Variants in KDM5A observed in about 807,000 individuals in gnomAD.
KDM5A encodes the protein lysine-specific demethylase 5A.
A neutral mutation model predicts 193.5 loss-of-function variants in KDM5A; 42 were observed. That is an observed-to-expected ratio of 0.22 (90% CI 0.17 to 0.28). KDM5A has a LOEUF of 0.28. Among genes scored for constraint, KDM5A ranks in the 10% least tolerant of loss-of-function variants. The pLI is 1.00. For synonymous variants in KDM5A, 796 were observed against 718.1 expected (o/e 1.11, Z -1.73); for missense variants, 1,692 against 2,055.1 (o/e 0.82, Z 3.42).
In KDM5A at chr12:388,619, C is replaced by G. The variant is rs1031833794; in HGVS notation, c.165+308G>C. On this transcript the variant is annotated intron_variant, in intron 1 of 27. Coordinates refer to ENST00000399788, the MANE Select transcript of KDM5A (RefSeq NM_001042603.3). The stretch of plus-strand genomic sequence containing the variant: ...GAGGATACGTGAGGGAAGAATACGT[C>G]ACGTCATAATACTGTACTTTAAACA... 3 of 456,562 alleles carry G rather than the reference C, an allele frequency of 6.6e-6. No homozygotes were observed. In the Admixed American group the frequency reaches 1.0e-4, roughly 16 times the overall value. 28.3% of individuals were successfully genotyped at this position (456,562 alleles called of 1,614,324 possible).
chr12:331,356 G>A (rs964578545), intron 13 of KDM5A, among the ~76,000 whole-genome samples: 2 of 152,172 alleles, frequency 1.3e-5, no homozygotes, highest in Non-Finnish European at 2.9e-5. Context: ...AATGGCAAAA[G>A]CCACTATTAC....
At chr12:388,871 G>C (rs1008889022) in intron 1 of KDM5A, 56 bp downstream of exon 1, 11 of 1,567,108 alleles carry the variant, frequency 7.0e-6, no homozygotes, top group Non-Finnish European at 8.8e-6. Context: ...GCTAAACCCA[G>C]TGTACGGACT....
rs1442427220 is a variant in KDM5A, at chr12:307,010, T to G, written c.4010A>C (p.Asp1337Ala). 6.2e-7 allele frequency: 1 copy of G among 1,614,060 alleles called. No homozygotes were observed. The highest frequency in any genetic ancestry group is 1.7e-5 in the Admixed American group (1 of 60,016). ...AGAGTCTGTTTCTTCATCATCATAG[T>G]CCATTGTTTGTCGAGGAGAAGATGA... The part of the protein sequence containing the change: ...SVSSSPRQTM[D>A]YDDEETDSDE... The change falls in exon 24 of 28, where the codon GAC (aspartate) becomes GCC (alanine). Residue 1337 changes from aspartate (D) to alanine (A), a missense_variant. Around this residue, in one of 11 missense-constraint regions of KDM5A, gnomAD observed 965 missense variants for 1,061.0 expected, o/e 0.91. Coordinates refer to ENST00000399788, the MANE Select transcript of KDM5A (RefSeq NM_001042603.3). The surrounding 1 kb of genome is among the most constrained non-coding windows in gnomAD (Gnocchi z 4.3).
chr12:362,536 T>C (rs1189743349), intron 5 of KDM5A, among the ~76,000 whole-genome samples: 1 of 152,130 alleles, frequency 6.6e-6, no homozygotes, highest in Non-Finnish European at 1.5e-5. Context: ...AAAAATAAAA[T>C]GCACTAGAAT....
chr12:288,112 A>G (rs1041505886), intron 27 of KDM5A, among the ~76,000 whole-genome samples: 1 of 152,180 alleles, frequency 6.6e-6, no homozygotes, highest in African/African-American at 2.4e-5. Flanking sequence ...CTTTTTTATC[A>G]TGTTCATCTA....
intron 5 of KDM5A, among the ~76,000 whole-genome samples, chr12:360,880 A>G (rs1944285884): frequency 6.6e-6 from 1 of 152,150 alleles, no homozygotes; most frequent in South Asian, 2.1e-4. Context: ...ATCACTAAAG[A>G]TGCCAGAAGG....
chr12:373,780 T>C (rs1944464751), intron 3 of KDM5A, among the ~76,000 whole-genome samples: 1 of 152,218 alleles, frequency 6.6e-6, no homozygotes, highest in Non-Finnish European at 1.5e-5. Context: ...GTATGTTGTG[T>C]TTTTGTTCTC....
At position 285,193 on chromosome 12, in the gene KDM5A, G is replaced by T; in HGVS notation, c.*263C>A. The T allele has an allele frequency of 1.8e-6, 1 of 543,132 alleles. No individual in the cohort carries two copies. The highest frequency in any genetic ancestry group is 3.3e-6 in the Non-Finnish European group (1 of 301,656). The allele number at this position is 543,132 out of a possible 1,614,324, so 33.6% of individuals were successfully genotyped here. On this transcript the variant is annotated 3_prime_UTR_variant, in exon 28 of 28. Transcript: ENST00000399788. The stretch of plus-strand genomic sequence containing the variant: ...CACCCTAGAGCTCAATTAAGCATCT[G>T]GCCTTAATGCAGTAAACCACACTCA...
intron 1 of KDM5A, among the ~76,000 whole-genome samples, chr12:387,484 GA>G (rs1353578061): frequency 3.9e-5 from 6 of 152,112 alleles, no homozygotes; most frequent in Non-Finnish European, 8.8e-5. Flanking sequence ...AGGTAATTAT[GA>G]TAGAAAAAAG....
chr12:312,454 T>A (rs1305282363), intron 20 of KDM5A, among the ~76,000 whole-genome samples: 3 of 152,102 alleles, frequency 2.0e-5, no homozygotes, highest in African/African-American at 7.2e-5. Context: ...TGGAAAAAAA[T>A]TTGAAGAATA....
intron 19 of KDM5A, 24 bp downstream of exon 19, chr12:318,082 C>T: frequency 6.4e-7 from 1 of 1,557,478 alleles, no homozygotes; most frequent in African/African-American, 1.4e-5. Flanking sequence ...GTTAAAGAGG[C>T]AACTGTCACC....
At chr12:350,427 CA>C (rs10616968) in intron 10 of KDM5A, among the ~76,000 whole-genome samples, 193 bp downstream of exon 10, 11,139 of 101,086 alleles carry the variant, frequency 0.11, 300 homozygotes, top group Middle Eastern at 0.17. Flanking sequence ...GATTCCTTCT[CA>C]AAAAAAAAAA....
intron 8 of KDM5A, 49 bp from the exon 9 acceptor site, chr12:352,373 A>G: frequency 1.3e-6 from 2 of 1,561,034 alleles, no homozygotes; most frequent in Non-Finnish European, 1.8e-6. Context: ...TAAACTGAAG[A>G]AAGCTTTAAG....
chr12:318,448 T>G lies in KDM5A; in HGVS notation c.2555A>C (p.Asp852Ala). ...AGCACGTTCATGAAACTCTTCCACATCATCTAGCAGATTCTGAAAAGGTCA... is the reference window on the plus strand; with the variant it reads ...AGCACGTTCATGAAACTCTTCCACAGCATCTAGCAGATTCTGAAAAGGTCA... ...QARQVKNLLD[D>A]VEEFHERAQE... Residue 852 changes from aspartate (D) to alanine (A), a missense_variant, in exon 19 of 28, where the codon GAT becomes GCT. Transcript: ENST00000399788. The G allele has an allele frequency of 6.2e-7, 1 of 1,612,314 alleles. No homozygotes were observed. The highest frequency in any genetic ancestry group is 8.5e-7 in the Non-Finnish European group (1 of 1,178,364).
chr12:378,976 A>C (rs905203442), intron 3 of KDM5A, among the ~76,000 whole-genome samples: 7 of 146,454 alleles, frequency 4.8e-5, no homozygotes, highest in Non-Finnish European at 7.6e-5. Flanking sequence ...AAAAAAAAAA[A>C]CTAATTATTC....
In KDM5A at chr12:333,573, G is replaced by A. The variant is rs1241337712; in HGVS notation, c.1567C>T (p.Pro523Ser). The change falls in exon 12 of 28, where the codon CCC (proline) becomes TCC (serine). Residue 523 changes from proline (P) to serine (S), a missense_variant. Pro to Ser is a moderately conservative substitution (Grantham distance 74, BLOSUM62 -1). Around this residue, in one of 11 missense-constraint regions of KDM5A, gnomAD observed 172 missense variants for 260.3 expected, o/e 0.66. Coordinates refer to ENST00000399788, the MANE Select transcript of KDM5A (RefSeq NM_001042603.3). ...TCAGGCTGGGATTCAAATAACTCGGGGGCCAGCTCTCTCATCACCTCCTCC... is the reference window on the plus strand; with the variant it reads ...TCAGGCTGGGATTCAAATAACTCGGAGGCCAGCTCTCTCATCACCTCCTCC... ...QLEEVMRELAPELFESQPDLL... is the reference protein window; with the variant it reads ...QLEEVMRELASELFESQPDLL... 6.2e-7 allele frequency: 1 copy of A among 1,614,064 alleles called. No individual in the cohort carries two copies. The highest frequency in any genetic ancestry group is 8.5e-7 in the Non-Finnish European group (1 of 1,179,994).
chr12:333,722 A>G, intron 11 of KDM5A, 73 bp from the exon 12 acceptor site: 1 of 1,346,240 alleles, frequency 7.4e-7, no homozygotes, highest in South Asian at 1.2e-5. Context: ...ATTCCAATCC[A>G]CCAAATTATA....
At chr12:376,627 G>T (rs1258021591) in intron 3 of KDM5A, among the ~76,000 whole-genome samples, 2 of 152,200 alleles carry the variant, frequency 1.3e-5, no homozygotes, top group African/African-American at 4.8e-5. Flanking sequence ...GATGAACCTG[G>T]TACCTCAGTT....
At position 313,102 on chromosome 12, in the gene KDM5A, G is replaced by A. The variant is rs201758225; in HGVS notation, c.2990C>T (p.Ala997Val). Residue 997 changes from alanine to valine, a missense_variant, in exon 20 of 28, where the codon GCC (alanine) becomes GTC (valine). Coordinates refer to ENST00000399788, the MANE Select transcript of KDM5A (RefSeq NM_001042603.3). ...GGTCCATTCTCGAGCCTTTTGTAAGGCTTCTTTCAAGGACAACACATTGGG... is the reference window on the plus strand; with the variant it reads ...GGTCCATTCTCGAGCCTTTTGTAAGACTTCTTTCAAGGACAACACATTGGG... Reference protein sequence around the residue: ...FLPNVLSLKEALQKAREWTAK... With the variant: ...FLPNVLSLKEVLQKAREWTAK... The A allele has an allele frequency of 6.2e-7, 1 of 1,613,948 alleles. No homozygotes were observed. Among genetic ancestry groups the A allele is most frequent in the Non-Finnish European group, 8.5e-7 (1 of 1,179,976 alleles).
Sources: allele counts gnomAD v4.1 joint callset (sites outside exome capture counted in the v4.1 genomes callset), GRCh38; gene constraint gnomAD v4.1.1; regional missense constraint gnomAD v4.1.1; non-coding constraint Gnocchi (gnomAD v3.1); transcripts MANE v1.5; gene names NCBI Gene and HGNC (gene_info 2026-07-23, HGNC 2026-07-21).